PLCH1: variants seen among roughly 807,000 people sequenced by gnomAD.
PLCH1 encodes the protein phospholipase C eta 1, also known as 1-phosphatidylinositol 4,5-bisphosphate phosphodiesterase eta-1.
Under a neutral mutation model 126.7 loss-of-function variants are expected in PLCH1, and 60 were observed. The ratio of observed to expected loss-of-function variants is 0.47; its 90% CI spans 0.38 to 0.59. The LOEUF is 0.59. PLCH1 is among the 20% of genes least tolerant of loss of function. PLCH1 has a pLI of 0.00. For missense variants in PLCH1, 1,723 were observed against 2,040.0 expected (o/e 0.84, Z 2.99); for synonymous variants, 719 against 734.9 (o/e 0.98, Z 0.35).
In PLCH1 at chr3:155,480,361, G is replaced by C. The variant is rs368349999; in HGVS notation, c.*607C>G. 3.9e-5 allele frequency: 6 copies of C among 152,624 alleles called. No individual in the cohort carries two copies. Among genetic ancestry groups the C allele is most frequent in the African/African-American group, 1.4e-4 (6 of 41,494 alleles). The allele number at this position is 152,624 out of a possible 1,614,324, so 9.5% of individuals were successfully genotyped here. A position where few individuals can be genotyped will look rare whatever the true frequency, so the allele number is the denominator to read the frequency against. On this transcript the variant is annotated 3_prime_UTR_variant, in exon 23 of 23. Coordinates refer to ENST00000460012, the MANE Select transcript of PLCH1 (RefSeq NM_014996.4). Reference sequence around the variant, plus strand: ...ACAGCCTTCTTCCTCACACCCTCACGGCCTATTCCAAAAAGTGGGAAGGGC... The same window carrying C: ...ACAGCCTTCTTCCTCACACCCTCACCGCCTATTCCAAAAAGTGGGAAGGGC...
chr3:155,658,563 C>T (rs1297260627), intron 2 of PLCH1: 1 of 152,056 alleles, frequency 6.6e-6, no homozygotes, highest in Non-Finnish European at 1.5e-5. Context: ...CAAAGCTGAT[C>T]CATGTTTGCC....
chr3:155,676,323 G>C, intron 2 of PLCH1: 1 of 1,104,076 alleles, frequency 9.1e-7, no homozygotes, highest in Non-Finnish European at 1.1e-6. Context: ...ATCTGCTCGG[G>C]GCTGCCGCTA....
At chr3:155,472,606 C>T (rs993932092) in intron 21 of PLCH1, among the ~76,000 whole-genome samples, 1 of 151,878 alleles carries the variant, frequency 6.6e-6, no homozygotes, top group East Asian at 1.9e-4. Context: ...GATACCAAAG[C>T]CGGGCAGAGA....
At chr3:155,526,937 T>G (rs1722031928) in intron 10 of PLCH1, among the ~76,000 whole-genome samples, 1 of 152,226 alleles carries the variant, frequency 6.6e-6, no homozygotes, top group South Asian at 2.1e-4. Context: ...ATAGTGGCTT[T>G]CACTCCATCA....
chr3:155,470,102 A>G (rs1452593855), intron 21 of PLCH1, among the ~76,000 whole-genome samples: 1 of 151,984 alleles, frequency 6.6e-6, no homozygotes, highest in Non-Finnish European at 1.5e-5. Flanking sequence ...CTGAGAGAAG[A>G]AGGCTTCAGA....
At chr3:155,629,209 CAG>C (rs1456373905) in intron 2 of PLCH1, among the ~76,000 whole-genome samples, 1 of 152,222 alleles carries the variant, frequency 6.6e-6, no homozygotes, top group Non-Finnish European at 1.5e-5. Flanking sequence ...CATCAGAGCT[CAG>C]AAAATGCAGC....
intron 2 of PLCH1, among the ~76,000 whole-genome samples, chr3:155,659,541 C>A (rs1741875267): frequency 6.6e-6 from 1 of 151,564 alleles, no homozygotes; most frequent in Middle Eastern, 3.4e-3. Context: ...TCTCTGTTGC[C>A]CAGGCTGGAG....
chr3:155,474,293 A>C (rs1285928882), intron 21 of PLCH1, among the ~76,000 whole-genome samples: 1 of 149,002 alleles, frequency 6.7e-6, no homozygotes, highest in Non-Finnish European at 1.5e-5. Context: ...TCTCAAAAGA[A>C]GACATTTATG....
chr3:155,734,586 T>G (rs2109190915), intron 1 of PLCH1, among the ~76,000 whole-genome samples: 1 of 152,326 alleles, frequency 6.6e-6, no homozygotes, highest in South Asian at 2.1e-4. Context: ...TTCACTCACA[T>G]GTTCACTACA....
chr3:155,679,160 C>T (rs578098487), intron 2 of PLCH1, among the ~76,000 whole-genome samples: 2 of 152,272 alleles, frequency 1.3e-5, no homozygotes, highest in African/African-American at 2.4e-5. Flanking sequence ...CAGTTAAATT[C>T]GGATTTCAGA....
chr3:155,570,194 T>G (rs1244787629), intron 6 of PLCH1, among the ~76,000 whole-genome samples: 1 of 152,196 alleles, frequency 6.6e-6, no homozygotes, highest in East Asian at 1.9e-4. Flanking sequence ...TCTCATTTAA[T>G]TAATCTCCCA....
In PLCH1 at chr3:155,482,472, C is replaced by T; in HGVS notation, c.3554G>A (p.Gly1185Asp). ...NVTLTNENEP[G>D]SSISALIGQF... Reference sequence around the variant, plus strand: ...GCCAATCAGGGCTGAGATGGAACTGCCCGGCTCATTCTCATTTGTTAAAGT... The same window carrying T: ...GCCAATCAGGGCTGAGATGGAACTGTCCGGCTCATTCTCATTTGTTAAAGT... Residue 1185 changes from glycine (G) to aspartate (D), a missense_variant, in exon 23 of 23, where the codon GGC becomes GAC. By Grantham distance (94) the Gly-to-Asp change is moderately conservative. Transcript: ENST00000460012. The T allele has an allele frequency of 1.2e-6, 2 of 1,614,100 alleles. No homozygotes were observed. The highest frequency in any genetic ancestry group is 8.5e-7 in the Non-Finnish European group (1 of 1,179,992).
intron 2 of PLCH1, among the ~76,000 whole-genome samples, chr3:155,617,604 G>A (rs1735952156): frequency 6.6e-6 from 1 of 152,126 alleles, no homozygotes. Flanking sequence ...AACTATTTGT[G>A]AGTATTCTTA....
At chr3:155,487,535 T>C (rs1350281324) in intron 21 of PLCH1, among the ~76,000 whole-genome samples, 1 of 152,172 alleles carries the variant, frequency 6.6e-6, no homozygotes, top group African/African-American at 2.4e-5. Flanking sequence ...GTCCTATAGG[T>C]AGCTTTAAAA....
chr3:155,458,423 AAGGAAGGAAGGAAGGAAGGAAGGAAG>A (rs2107970682), intron 21 of PLCH1, among the ~76,000 whole-genome samples: 2 of 78,558 alleles, frequency 2.5e-5, no homozygotes, highest in African/African-American at 1.8e-4. Flanking sequence ...GGAAGGAAGG[AAGGAAGGAAGGAAGGAAGGAAGGAAG>A]GAAGGAAAGA....
At chr3:155,611,485 A>G (rs1735087028) in intron 2 of PLCH1, among the ~76,000 whole-genome samples, 1 of 152,220 alleles carries the variant, frequency 6.6e-6, no homozygotes, top group Non-Finnish European at 1.5e-5. Context: ...TCCTAAATAT[A>G]TATCTTCCTA....
chr3:155,501,752 A>C (rs1468446280), intron 13 of PLCH1, among the ~76,000 whole-genome samples: 1 of 152,154 alleles, frequency 6.6e-6, no homozygotes, highest in Admixed American at 6.5e-5. Context: ...CCGAGATCCC[A>C]CCATTGTACT....
At chr3:155,671,300 C>T (rs1272958768) in intron 2 of PLCH1, among the ~76,000 whole-genome samples, 3 of 152,128 alleles carry the variant, frequency 2.0e-5, no homozygotes, top group East Asian at 1.9e-4. Context: ...AGTAGGTACT[C>T]GATTTTTTTT....
At chr3:155,623,983 T>A (rs537447883) in intron 2 of PLCH1, among the ~76,000 whole-genome samples, 8 of 152,142 alleles carry the variant, frequency 5.3e-5, no homozygotes, top group Non-Finnish European at 1.2e-4. Flanking sequence ...CTGATGAACA[T>A]TGATGCGAAC....
Sources: allele counts gnomAD v4.1 joint callset (sites outside exome capture counted in the v4.1 genomes callset), GRCh38; gene constraint gnomAD v4.1.1; transcripts MANE v1.5; gene names NCBI Gene and HGNC (gene_info 2026-07-23, HGNC 2026-07-21).